The following RAB30 variants were observed in gnomAD, a reference collection of about 807,000 sequenced individuals.
RAB30 encodes RAB30, member RAS oncogene family, also known as ras-related protein Rab-30.
In RAB30, 9 loss-of-function variants were observed where a neutral mutation model predicts 25.1. The ratio of observed to expected loss-of-function variants is 0.36; its 90% confidence interval spans 0.22 to 0.63. The LOEUF (loss-of-function observed/expected upper bound fraction) is 0.63, where lower values mean the gene tolerates loss of function less well. Among genes scored for constraint, RAB30 ranks in the 20% least tolerant of loss-of-function variants. The pLI is 0.69. For synonymous variants in RAB30, 77 were observed against 86.4 expected (o/e 0.89, Z 0.60); for missense variants, 140 against 243.5 (o/e 0.58, Z 2.83).
intron 1 of RAB30, among the ~76,000 whole-genome samples, chr11:82,999,231 G>A (rs1367785552): frequency 1.3e-5 from 2 of 152,172 alleles, no homozygotes; most frequent in Non-Finnish European, 2.9e-5. Flanking sequence ...CTGTTTTACA[G>A]ATTAGTGAAC....
intron 2 of RAB30, among the ~76,000 whole-genome samples, chr11:82,996,880 T>G (rs1856969184): frequency 6.6e-6 from 1 of 152,222 alleles, no homozygotes; most frequent in Admixed American, 6.5e-5. Flanking sequence ...CAGATTCATT[T>G]GTTTCCACCT....
chr11:83,049,239 C>T (rs558586029), intron 1 of RAB30, among the ~76,000 whole-genome samples: 1 of 152,056 alleles, frequency 6.6e-6, no homozygotes, highest in East Asian at 1.9e-4. Flanking sequence ...GTGAAACCCC[C>T]ATCTCTACTA....
rs2121414414 is a variant in RAB30 at position 82,974,551 on chromosome 11, T to C, written c.*7614A>G. 6.6e-6 allele frequency: 1 copy of C among 152,316 alleles called. No individual in the cohort carries two copies. The highest frequency in any genetic ancestry group is 3.4e-3 in the Middle Eastern group (1 of 294). 9.4% of individuals were successfully genotyped at this position (152,316 alleles called of 1,614,324 possible). A position where few individuals can be genotyped will look rare whatever the true frequency, so the allele number is the denominator to read the frequency against. On this transcript the variant is annotated 3_prime_UTR_variant, in exon 5 of 5. Transcript: ENST00000527633. The stretch of plus-strand genomic sequence containing the variant: ...TTATATTGAAGTTGGTTAGATTTTA[T>C]ATAACGCTGTATACAAATAATACTG...
rs148430007 is a variant in RAB30, at chr11:83,006,813, T to C, written c.-8-9489A>G. 1.8e-4 allele frequency among the ~76,000 whole-genome samples: 28 copies of C among 152,294 alleles called. No individual in the cohort carries two copies. In the East Asian group the frequency reaches 5.0e-3, roughly 27 times the overall value. On this transcript the variant is annotated intron_variant, in intron 1 of 4. Transcript: ENST00000527633. ...CTCTGGAGTTGCTTTTCCAGTTCAT[T>C]GTGTGTATCACTGCTTTCTCTAAAC...
chr11:83,029,246 A>G (rs1006926048), intron 1 of RAB30, among the ~76,000 whole-genome samples: 5 of 152,132 alleles, frequency 3.3e-5, no homozygotes, highest in African/African-American at 1.2e-4. Context: ...TTGTGTTCAA[A>G]TATTTTAAAT....
chr11:82,994,179 T>C, intron 2 of RAB30, 57 bp from the exon 3 acceptor site: 1 of 1,456,202 alleles, frequency 6.9e-7, no homozygotes, highest in Non-Finnish European at 9.6e-7. Flanking sequence ...TAAATGAAAT[T>C]TTCTCCTCTC....
At chr11:82,986,818 G>C (rs1239308080) in intron 4 of RAB30, among the ~76,000 whole-genome samples, 1 of 152,176 alleles carries the variant, frequency 6.6e-6, no homozygotes, top group Non-Finnish European at 1.5e-5. Context: ...CTATTCTAAA[G>C]TGTTTACTGA....
intron 1 of RAB30, among the ~76,000 whole-genome samples, chr11:83,010,795 A>G (rs1857286279): frequency 6.6e-6 from 1 of 152,254 alleles, no homozygotes; most frequent in South Asian, 2.1e-4. Context: ...CAAATGAACA[A>G]AAATACTCAT....
At position 83,055,713 on chromosome 11, in the gene RAB30, C is replaced by A. The variant is rs1016423788; in HGVS notation, c.-9+15978G>T. On this transcript the variant is annotated intron_variant, in intron 1 of 4. Transcript: ENST00000527633. ...TTAGGAGGTAATTAGGCCATGAGCGCTCCATGCTTATGAAGGGATTAGCAC... is the reference window on the plus strand; with the variant it reads ...TTAGGAGGTAATTAGGCCATGAGCGATCCATGCTTATGAAGGGATTAGCAC... Among the ~76,000 whole-genome samples the A allele has an allele frequency of 3.9e-5, 6 of 152,342 alleles. No homozygotes were observed. In the South Asian group the frequency reaches 8.3e-4, roughly 21 times the overall value.
chr11:83,006,429 AT>A (rs900698642), intron 1 of RAB30, among the ~76,000 whole-genome samples: 45 of 152,336 alleles, frequency 3.0e-4, no homozygotes, highest in Admixed American at 2.7e-3. Flanking sequence ...AAGGCAAAGA[AT>A]GGTGTGTTTA....
At chr11:82,998,265 A>T (rs553829773) in intron 1 of RAB30, among the ~76,000 whole-genome samples, 1 of 152,202 alleles carries the variant, frequency 6.6e-6, no homozygotes, top group Non-Finnish European at 1.5e-5. Context: ...CATGTTGCTT[A>T]TGTGTAGGCC....
Position 82,982,157 on chromosome 11 carries a change from C to T in RAB30, c.*8G>A. On this transcript the variant is annotated 3_prime_UTR_variant, in exon 5 of 5. Coordinates refer to ENST00000527633, the MANE Select transcript of RAB30 (RefSeq NM_001286060.2). ...TGCTGATTCCTTTTCTTCTCCGTGC[C>T]TCAGCCTTTAGTTGAAATTACAACA... 1 of 1,613,984 alleles carries T rather than the reference C, an allele frequency of 6.2e-7. No individual in the cohort carries two copies. The highest frequency in any genetic ancestry group is 8.5e-7 in the Non-Finnish European group (1 of 1,179,848).
chr11:83,066,315 C>A (rs1326976451), intron 1 of RAB30, among the ~76,000 whole-genome samples: 1 of 152,166 alleles, frequency 6.6e-6, no homozygotes, highest in Non-Finnish European at 1.5e-5. Flanking sequence ...CAATTTACTA[C>A]AGAAGAATAA....
chr11:83,015,258 G>A (rs1025096257), intron 1 of RAB30, among the ~76,000 whole-genome samples: 1 of 152,184 alleles, frequency 6.6e-6, no homozygotes, highest in Non-Finnish European at 1.5e-5. Context: ...GTCTAGGTGA[G>A]AGATCATATG....
chr11:83,009,582 T>C (rs947778223), intron 1 of RAB30, among the ~76,000 whole-genome samples: 7 of 151,314 alleles, frequency 4.6e-5, no homozygotes, highest in African/African-American at 1.7e-4. Flanking sequence ...AGGAACAACA[T>C]GCCCAGGGAG....
At chr11:82,996,461 A>G (rs1397562159) in intron 2 of RAB30, among the ~76,000 whole-genome samples, 1 of 152,246 alleles carries the variant, frequency 6.6e-6, no homozygotes, top group Non-Finnish European at 1.5e-5. Context: ...CTTGCTGAAC[A>G]AGTACTTTAT....
intron 1 of RAB30, among the ~76,000 whole-genome samples, chr11:83,052,612 T>C (rs992425434): frequency 3.3e-5 from 5 of 152,232 alleles, no homozygotes; most frequent in African/African-American, 1.2e-4. Flanking sequence ...GACAAGACAC[T>C]GTGCCCACAG....
intron 1 of RAB30, among the ~76,000 whole-genome samples, chr11:83,031,116 A>G (rs1857847173): frequency 6.6e-6 from 1 of 152,166 alleles, no homozygotes; most frequent in South Asian, 2.1e-4. Flanking sequence ...CTCAGAGGAA[A>G]CCAATCCTGC....
intron 4 of RAB30, 44 bp from the exon 5 acceptor site, chr11:82,982,459 T>C (rs962397855): frequency 1.3e-6 from 2 of 1,591,692 alleles, no homozygotes; most frequent in Non-Finnish European, 1.7e-6. Flanking sequence ...CATTTGACTT[T>C]TTGCAGGCTG....
Sources: gnomAD v4.1 joint callset for allele counts (sites outside exome capture counted in the v4.1 genomes callset) on GRCh38, gnomAD v4.1.1 for gene constraint, MANE v1.5 for transcripts, NCBI Gene and HGNC (gene_info 2026-07-23, HGNC 2026-07-21) for gene names.